CSMD3: variants seen among roughly 807,000 people sequenced by gnomAD.
CSMD3 encodes CUB and sushi domain-containing protein 3.
A neutral mutation model predicts 435.2 loss-of-function variants in CSMD3; 177 were observed. The ratio of observed to expected loss-of-function variants is 0.41; its 90% CI spans 0.36 to 0.46. The LOEUF is 0.46. CSMD3 is among the 20% of genes least tolerant of loss of function. The probability of loss-of-function intolerance (pLI) is 0.34; values close to 1 mark genes in which losing one functional copy is unlikely to be tolerated. For missense variants in CSMD3, 4,265 were observed against 4,504.6 expected (o/e 0.95, Z 1.52); for synonymous variants, 1,656 against 1,520.5 (o/e 1.09, Z -2.07).
At chr8:112,345,332 C>G (rs959634955) in intron 41 of CSMD3, among the ~76,000 whole-genome samples, 1 of 152,130 alleles carries the variant, frequency 6.6e-6, no homozygotes, top group Non-Finnish European at 1.5e-5. Context: ...GATACGGAAT[C>G]AACCTAAGTG....
intron 22 of CSMD3, among the ~76,000 whole-genome samples, chr8:112,631,092 A>G (rs1219356403): frequency 6.6e-6 from 1 of 152,036 alleles, no homozygotes; most frequent in Admixed American, 6.6e-5. Context: ...GAATAGGTAA[A>G]GGATCCTTTC....
chr8:113,166,266 A>G (rs564627455), intron 4 of CSMD3, among the ~76,000 whole-genome samples: 34 of 152,160 alleles, frequency 2.2e-4, no homozygotes, highest in African/African-American at 8.2e-4. Flanking sequence ...GCACTTTGGG[A>G]GGTCGAGGCA....
At position 112,556,960 on chromosome 8, in the gene CSMD3, A is replaced by G. The variant is rs142085183; in HGVS notation, c.4043-6T>C. 7.3e-4 allele frequency: 1,176 copies of G among 1,602,334 alleles called. 9 individuals are homozygous for G. The East Asian group carries it at 0.019, about 26-fold the overall frequency. The stretch of plus-strand genomic sequence containing the variant: ...ACAGTGTGAGAGTTCAAAACCTGGG[A>G]CAAAAATATAAATTGATTAAAGGCA... On this transcript the variant is annotated splice_region_variant and splice_polypyrimidine_tract_variant and intron_variant, in intron 24 of 70. Coordinates refer to ENST00000297405, the MANE Select transcript of CSMD3 (RefSeq NM_198123.2).
intron 5 of CSMD3, among the ~76,000 whole-genome samples, chr8:113,067,755 C>T (rs906202005): frequency 1.3e-5 from 2 of 151,950 alleles, no homozygotes; most frequent in Non-Finnish European, 2.9e-5. Flanking sequence ...TTTTTTATTT[C>T]TTATAAGTTC....
intron 32 of CSMD3, among the ~76,000 whole-genome samples, chr8:112,418,793 C>T (rs895467863): frequency 6.6e-6 from 1 of 152,046 alleles, no homozygotes; most frequent in African/African-American, 2.4e-5. Flanking sequence ...CCCAAAATCC[C>T]AAATCAAAAA....
rs1312773455 is a variant in CSMD3, at chr8:112,597,205, A to C, written c.3716-9970T>G. On this transcript the variant is annotated intron_variant, in intron 22 of 70. Transcript: ENST00000297405. ...GGGATATCACCACCAATCCCACAGA[A>C]ATACAAACTACCATCAGAGAATACT... Among the ~76,000 whole-genome samples, 8 of 151,634 alleles carry C rather than the reference A, an allele frequency of 5.3e-5. No individual in the cohort carries two copies. In the East Asian group the frequency reaches 1.6e-3, roughly 29 times the overall value.
Position 112,524,133 on chromosome 8 carries a change from C to T in CSMD3, c.4565-6908G>A, listed in dbSNP as rs142096989. Among the ~76,000 whole-genome samples the T allele has an allele frequency of 2.6e-5, 4 of 151,972 alleles. No individual in the cohort carries two copies. The East Asian group carries it at 7.8e-4, about 29-fold the overall frequency. The stretch of plus-strand genomic sequence containing the variant: ...TCATAGATTCTTATGCTCCAGTATG[C>T]CTACAAAAGTTGTTGGCATTGTATC... On this transcript the variant is annotated intron_variant, in intron 27 of 70. Transcript: ENST00000297405.
intron 62 of CSMD3, among the ~76,000 whole-genome samples, chr8:112,254,594 TG>T (rs1339411640): frequency 1.3e-5 from 2 of 152,078 alleles, no homozygotes; most frequent in Non-Finnish European, 2.9e-5. Context: ...ACTAGCTCTG[TG>T]GATGTAAAAT....
chr8:113,122,941 C>CA (rs201873549), intron 4 of CSMD3, among the ~76,000 whole-genome samples: 14,525 of 136,936 alleles, frequency 0.11, 867 homozygotes, highest in Middle Eastern at 0.17. Context: ...GGAAATAAGG[C>CA]AAAAAAAAAA....
At chr8:112,734,681 AATGCATGAACTGAAATTC>A (rs2077148130) in intron 13 of CSMD3, among the ~76,000 whole-genome samples, 1 of 151,968 alleles carries the variant, frequency 6.6e-6, no homozygotes, top group African/African-American at 2.4e-5. Context: ...AAATTCTAAT[AATGCATGAACTGAAATTC>A]CACTGATTTT....
chr8:112,251,021 A>G (rs908126415), intron 63 of CSMD3, among the ~76,000 whole-genome samples: 1 of 151,752 alleles, frequency 6.6e-6, no homozygotes, highest in African/African-American at 2.4e-5. Flanking sequence ...GAACATTCTC[A>G]GTAAGCTCTA....
intron 3 of CSMD3, among the ~76,000 whole-genome samples, chr8:113,176,155 G>T (rs115706099): frequency 6.6e-6 from 1 of 152,196 alleles, no homozygotes; most frequent in African/African-American, 2.4e-5. Context: ...ATTTCAAAAT[G>T]AAACTCAAAG....
chr8:112,476,464 G>C (rs952958275), intron 31 of CSMD3, among the ~76,000 whole-genome samples: 1 of 152,048 alleles, frequency 6.6e-6, no homozygotes, highest in Non-Finnish European at 1.5e-5. Context: ...TAAGTTTTAG[G>C]GAATATCATG....
intron 6 of CSMD3, among the ~76,000 whole-genome samples, chr8:112,994,540 T>A (rs1587846542): frequency 6.6e-6 from 1 of 151,806 alleles, no homozygotes; most frequent in Middle Eastern, 3.4e-3. Flanking sequence ...CAAGGTACTG[T>A]GAAAGGTGCT....
chr8:113,429,139 A>G (rs986391271), intron 1 of CSMD3, among the ~76,000 whole-genome samples: 1 of 151,796 alleles, frequency 6.6e-6, no homozygotes, highest in Non-Finnish European at 1.5e-5. Flanking sequence ...ACTTTAAAAC[A>G]TTTCAACTAT....
At chr8:112,400,690 G>A (rs547181033) in intron 35 of CSMD3, among the ~76,000 whole-genome samples, 13 of 152,236 alleles carry the variant, frequency 8.5e-5, no homozygotes, top group African/African-American at 3.1e-4. Context: ...ACAGCCTAAA[G>A]CCTTTCATAG....
intron 10 of CSMD3, among the ~76,000 whole-genome samples, chr8:112,885,545 C>T (rs1587576743): frequency 6.6e-6 from 1 of 151,750 alleles, no homozygotes; most frequent in East Asian, 2.0e-4. Flanking sequence ...AAAACTACTC[C>T]TGACTTCATG....
chr8:112,501,415 G>C (rs953745888), intron 30 of CSMD3, among the ~76,000 whole-genome samples: 9 of 147,606 alleles, frequency 6.1e-5, no homozygotes, highest in Admixed American at 6.1e-4. Context: ...AAAAAAGAAA[G>C]AAAATCTCAG....
At chr8:112,611,491 T>A (rs7011495) in intron 22 of CSMD3, among the ~76,000 whole-genome samples, 87,581 of 151,970 alleles carry the variant, frequency 0.58, 25,819 homozygotes, top group African/African-American at 0.69. Context: ...TTTCAATGGG[T>A]ACTTAGAATT....
Sources: gnomAD v4.1 joint callset for allele counts (sites outside exome capture counted in the v4.1 genomes callset) on GRCh38, gnomAD v4.1.1 for gene constraint, MANE v1.5 for transcripts, NCBI Gene and HGNC (gene_info 2026-07-23, HGNC 2026-07-21) for gene names.